Variants in TOX2 observed in about 807,000 individuals in gnomAD.
The protein encoded by TOX2 is granulosa cell HMG box 1.
Under a neutral mutation model 47.4 loss-of-function variants are expected in TOX2, and 15 were observed. That is an observed-to-expected ratio of 0.32 (90% confidence interval 0.21 to 0.49). The LOEUF (loss-of-function observed/expected upper bound fraction) is 0.49, where lower values mean the gene tolerates loss of function less well. Ranked by LOEUF, TOX2 falls within the 20% of genes least tolerant of loss-of-function variation. TOX2 has a pLI of 0.99. For synonymous variants in TOX2, 290 were observed against 296.6 expected, an observed-to-expected ratio of 0.98 and a Z score of 0.23; for missense variants, 622 against 673.1, an observed-to-expected ratio of 0.92 and a Z score of 0.84.
intron 3 of TOX2, among the ~76,000 whole-genome samples, chr20:44,016,225 G>C (rs1354928151): frequency 6.6e-6 from 1 of 151,984 alleles, no homozygotes; most frequent in Non-Finnish European, 1.5e-5. Context: ...GAACCATTAG[G>C]GTGCCTATTT....
chr20:44,068,755 A>C lies in TOX2; in HGVS notation c.*69A>C. Reference sequence around the variant, plus strand: ...TCAGAGCCTGAAGGGCTGACAGCAGAAAAGAGGCCCTGGCCAGAGGCAGGG... The same window carrying C: ...TCAGAGCCTGAAGGGCTGACAGCAGCAAAGAGGCCCTGGCCAGAGGCAGGG... On this transcript the variant is annotated 3_prime_UTR_variant, in exon 9 of 9. Coordinates refer to ENST00000341197, the MANE Select transcript of TOX2 (RefSeq NM_001098797.2). 1.2e-6 allele frequency: 2 copies of C among 1,603,668 alleles called. No homozygotes were observed. Among genetic ancestry groups the C allele is most frequent in the Non-Finnish European group, 1.7e-6 (2 of 1,173,102 alleles).
chr20:44,045,456 T>C (rs888080413), intron 3 of TOX2, among the ~76,000 whole-genome samples: 5 of 152,220 alleles, frequency 3.3e-5, no homozygotes, highest in Non-Finnish European at 5.9e-5. Context: ...CATTTGTCCA[T>C]CTTGAAGTCT....
chr20:44,047,940 C>T lies in TOX2; in HGVS notation c.412-3366C>T, dbSNP rs180766895. Among the ~76,000 whole-genome samples the T allele has an allele frequency of 3.6e-3, 544 of 152,004 alleles. 3 individuals carry two copies. The highest frequency in any genetic ancestry group is 5.0e-3 in the East Asian group (26 of 5,174). ...CAGTTGAAATATATAAACTTTTGGC[C>T]GGGTGTGGTGGCTCATGCCTGTAAT... On this transcript the variant is annotated intron_variant, in intron 3 of 8. Transcript: ENST00000341197.
intron 3 of TOX2, among the ~76,000 whole-genome samples, chr20:44,034,886 A>G (rs77923179): frequency 0.031 from 4,795 of 152,246 alleles, 215 homozygotes; most frequent in African/African-American, 0.1. Flanking sequence ...AACTTAACAC[A>G]TGTCTGCCTG....
chr20:43,964,189 A>G (rs569280165), intron 1 of TOX2, among the ~76,000 whole-genome samples: 5 of 151,970 alleles, frequency 3.3e-5, no homozygotes, highest in South Asian at 2.1e-4. Context: ...CCACTGTGCC[A>G]TCATGTTTCT....
chr20:44,030,347 A>G (rs2071130568), intron 3 of TOX2, among the ~76,000 whole-genome samples: 1 of 152,134 alleles, frequency 6.6e-6, no homozygotes, highest in Admixed American at 6.6e-5. Flanking sequence ...TCTCAGCTGG[A>G]AGTTGCCACC....
Position 43,998,741 on chromosome 20 carries a change from A to G in TOX2, c.166-7806A>G, listed in dbSNP as rs1198169013. Among the ~76,000 whole-genome samples, 123 of 147,864 alleles carry G rather than the reference A, an allele frequency of 8.3e-4. 2 individuals are homozygous for G. In the South Asian group the frequency reaches 0.011, roughly 14 times the overall value. On this transcript the variant is annotated intron_variant, in intron 2 of 8. Transcript: ENST00000341197. ...GATACATCTATCTATCTATCTATCT[A>G]TCTATCTATCTATCTATCTATCTAT...
At chr20:43,973,204 A>G (rs192967028) in intron 1 of TOX2, among the ~76,000 whole-genome samples, 163 bp from the exon 2 acceptor site, 116 of 152,368 alleles carry the variant, frequency 7.6e-4, no homozygotes, top group Non-Finnish European at 1.5e-3. Context: ...CCCTAGAGGT[A>G]GCCCTGCTGA....
At chr20:43,933,275 A>T (rs1320470543) in intron 1 of TOX2, among the ~76,000 whole-genome samples, 1 of 152,262 alleles carries the variant, frequency 6.6e-6, no homozygotes, top group East Asian at 1.9e-4. Context: ...TAACATGCAC[A>T]TTAGCAATAC....
chr20:43,975,346 TCCC>T (rs978933648), intron 2 of TOX2, among the ~76,000 whole-genome samples: 1 of 151,972 alleles, frequency 6.6e-6, no homozygotes, highest in South Asian at 2.1e-4. Context: ...CCTCAACAAT[TCCC>T]CCAACACTTT....
At chr20:43,980,033 C>T (rs943435127) in intron 2 of TOX2, among the ~76,000 whole-genome samples, 9 of 152,266 alleles carry the variant, frequency 5.9e-5, no homozygotes, top group African/African-American at 1.9e-4. Context: ...TGGGTATATA[C>T]CCCAAAGAAA....
chr20:44,068,784 C>T lies in TOX2; in HGVS notation c.*98C>T, dbSNP rs758156793. On this transcript the variant is annotated 3_prime_UTR_variant, in exon 9 of 9. Transcript: ENST00000341197. Reference sequence around the variant, plus strand: ...GAGGCCCTGGCCAGAGGCAGGGTGGCCCATCGGAGAGAGCAGTGACACACC... The same window carrying T: ...GAGGCCCTGGCCAGAGGCAGGGTGGTCCATCGGAGAGAGCAGTGACACACC... 38 of 1,523,592 alleles carry T rather than the reference C, an allele frequency of 2.5e-5. No individual in the cohort carries two copies. Among genetic ancestry groups the T allele is most frequent in the Middle Eastern group, 1.7e-4 (1 of 5,942 alleles). The allele number at this position is 1,523,592 out of a possible 1,614,324, so 94.4% of individuals were successfully genotyped here.
intron 2 of TOX2, among the ~76,000 whole-genome samples, chr20:43,991,413 G>A (rs190481868): frequency 2.2e-4 from 34 of 152,272 alleles, no homozygotes; most frequent in African/African-American, 7.7e-4. Flanking sequence ...CCTACTGTGC[G>A]TCAGGCAGTG....
chr20:44,012,378 C>T (rs2070792032), intron 3 of TOX2, among the ~76,000 whole-genome samples: 1 of 152,194 alleles, frequency 6.6e-6, no homozygotes, highest in African/African-American at 2.4e-5. Flanking sequence ...AGAGAAACTC[C>T]TGGGAGAGCC....
intron 3 of TOX2, among the ~76,000 whole-genome samples, chr20:44,028,921 C>G (rs1482441762): frequency 6.6e-6 from 1 of 152,168 alleles, no homozygotes; most frequent in Non-Finnish European, 1.5e-5. Flanking sequence ...GCCTCTTGAC[C>G]CTGCCTTTAG....
At position 44,004,733 on chromosome 20, in the gene TOX2, G is replaced by A. The variant is rs547402129; in HGVS notation, c.166-1814G>A. On this transcript the variant is annotated intron_variant, in intron 2 of 8. Transcript: ENST00000341197. ...CATCCAGCAGACACTCAGGGAATTG[G>A]CCACCACCAACCAGGTCCTGTGCCA... Among the ~76,000 whole-genome samples the A allele has an allele frequency of 9.2e-5, 14 of 152,182 alleles. 1 individual carries two copies. Among genetic ancestry groups the A allele is most frequent in the Non-Finnish European group, 2.1e-4 (14 of 68,034 alleles).
chr20:44,019,136 T>C (rs1170042962), intron 3 of TOX2, among the ~76,000 whole-genome samples: 1 of 152,220 alleles, frequency 6.6e-6, no homozygotes, highest in Non-Finnish European at 1.5e-5. Flanking sequence ...AATGAATGAA[T>C]GAAAAATAAA....
intron 3 of TOX2, among the ~76,000 whole-genome samples, chr20:44,010,873 A>G (rs978880571): frequency 8.5e-5 from 13 of 152,204 alleles, no homozygotes; most frequent in Admixed American, 7.8e-4. Flanking sequence ...GATTTATTCT[A>G]TCACACCTCC....
Position 44,069,222 on chromosome 20 carries a change from A to T in TOX2, c.*536A>T. The T allele has an allele frequency of 4.1e-6, 1 of 243,546 alleles. No homozygotes were observed. The highest frequency in any genetic ancestry group is 4.8e-5 in the South Asian group (1 of 20,738). 15.1% of individuals were successfully genotyped at this position (243,546 alleles called of 1,614,324 possible). ...CTGTAAGACTATTTTGTGGGGGAAA[A>T]AAGTAGTTTCCTTTAAGGTAAAAAG... On this transcript the variant is annotated 3_prime_UTR_variant, in exon 9 of 9. Transcript: ENST00000341197.
Sources: gnomAD v4.1 joint callset for allele counts (sites outside exome capture counted in the v4.1 genomes callset) on GRCh38, gnomAD v4.1.1 for gene constraint, MANE v1.5 for transcripts, NCBI Gene and HGNC (gene_info 2026-07-23, HGNC 2026-07-21) for gene names.